The following CSMD3 variants were observed in gnomAD, a reference collection of about 807,000 sequenced individuals.
The protein encoded by CSMD3 is CUB and sushi domain-containing protein 3.
A neutral mutation model predicts 435.2 loss-of-function variants in CSMD3; 177 were observed. The ratio of observed to expected loss-of-function variants is 0.41; its 90% CI spans 0.36 to 0.46. CSMD3 has a LOEUF of 0.46. Among genes scored for constraint, CSMD3 ranks in the 20% least tolerant of loss-of-function variants. The pLI is 0.34. For missense variants in CSMD3, 4,265 were observed against 4,504.6 expected (o/e 0.95, Z 1.52); for synonymous variants, 1,656 against 1,520.5 (o/e 1.09, Z -2.07).
chr8:112,350,549 A>T (rs530864208), intron 40 of CSMD3, among the ~76,000 whole-genome samples: 1 of 152,130 alleles, frequency 6.6e-6, no homozygotes, highest in African/African-American at 2.4e-5. Flanking sequence ...AAAGGTAGGG[A>T]TCATACCTCA....
At chr8:113,414,724 A>G (rs899826132) in intron 1 of CSMD3, among the ~76,000 whole-genome samples, 1 of 150,994 alleles carries the variant, frequency 6.6e-6, no homozygotes, top group Non-Finnish European at 1.5e-5. Context: ...ACTTTGGGAG[A>G]CCAAGGTAGG....
At chr8:112,940,184 T>C (rs564604822) in intron 9 of CSMD3, among the ~76,000 whole-genome samples, 8 of 151,932 alleles carry the variant, frequency 5.3e-5, no homozygotes, top group Non-Finnish European at 1.0e-4. Context: ...CATTATACAG[T>C]AGTGTTTTAA....
intron 4 of CSMD3, among the ~76,000 whole-genome samples, chr8:113,114,297 A>G (rs2090757269): frequency 6.6e-6 from 1 of 152,208 alleles, no homozygotes. Flanking sequence ...AAGCGAGACC[A>G]GTCAATTGAG....
chr8:112,689,100 T>C (rs554695462), intron 14 of CSMD3, among the ~76,000 whole-genome samples: 1 of 152,186 alleles, frequency 6.6e-6, no homozygotes, highest in African/African-American at 2.4e-5. Context: ...GTAATCTTGG[T>C]TAAAGATAAG....
At chr8:112,632,766 T>C (rs1220543156) in intron 22 of CSMD3, among the ~76,000 whole-genome samples, 1 of 151,934 alleles carries the variant, frequency 6.6e-6, no homozygotes, top group Non-Finnish European at 1.5e-5. Flanking sequence ...AAGGAAAGTG[T>C]TTCTTATTTT....
chr8:112,855,936 A>G (rs2080645082), intron 11 of CSMD3, among the ~76,000 whole-genome samples: 1 of 151,040 alleles, frequency 6.6e-6, no homozygotes, highest in Non-Finnish European at 1.5e-5. Context: ...TTCCAGTTGG[A>G]GAAGTAATAT....
At chr8:113,399,106 T>TATATATACACATACACAC (rs773585004) in intron 1 of CSMD3, among the ~76,000 whole-genome samples, 1 of 95,096 alleles carries the variant, frequency 1.1e-5, no homozygotes, top group Non-Finnish European at 2.0e-5. Flanking sequence ...TATATATATA[T>TATATATACACATACACAC]ACACACACAC....
chr8:112,353,498 A>G (rs1284121588), intron 38 of CSMD3, among the ~76,000 whole-genome samples: 1 of 152,232 alleles, frequency 6.6e-6, no homozygotes, highest in Non-Finnish European at 1.5e-5. Context: ...AATGTAATTC[A>G]AAACACTTTC....
chr8:112,522,001 T>C (rs1023643676), intron 27 of CSMD3, among the ~76,000 whole-genome samples: 1 of 151,680 alleles, frequency 6.6e-6, no homozygotes, highest in African/African-American at 2.4e-5. Context: ...TTAGCAAAAA[T>C]ATAAAATCTT....
chr8:113,262,994 G>A (rs934515481), intron 3 of CSMD3, among the ~76,000 whole-genome samples: 6 of 152,042 alleles, frequency 3.9e-5, no homozygotes, highest in Middle Eastern at 3.4e-3. Flanking sequence ...ATATACATGA[G>A]AATGATCATT....
chr8:112,431,253 T>C (rs1446723030), intron 32 of CSMD3, among the ~76,000 whole-genome samples: 2 of 152,158 alleles, frequency 1.3e-5, no homozygotes, highest in Admixed American at 6.6e-5. Flanking sequence ...AATATAAAAA[T>C]TAATTTTTAA....
chr8:112,263,406 G>T (rs1351653041), intron 61 of CSMD3, among the ~76,000 whole-genome samples: 1 of 152,050 alleles, frequency 6.6e-6, no homozygotes, highest in Non-Finnish European at 1.5e-5. Context: ...TCTAATTTGA[G>T]AAATAATTTT....
intron 17 of CSMD3, among the ~76,000 whole-genome samples, chr8:112,659,367 A>C (rs530260496): frequency 6.6e-6 from 1 of 152,316 alleles, no homozygotes; most frequent in African/African-American, 2.4e-5. Context: ...AATTAAATTT[A>C]TTGTATATGC....
intron 7 of CSMD3, among the ~76,000 whole-genome samples, chr8:112,974,580 A>C (rs1431275880): frequency 1.3e-5 from 2 of 151,824 alleles, no homozygotes; most frequent in Non-Finnish European, 2.9e-5. Flanking sequence ...CACGGTCCCT[A>C]TATTCTTATA....
At chr8:112,696,674 T>C (rs1236484519) in intron 13 of CSMD3, among the ~76,000 whole-genome samples, 2 of 152,086 alleles carry the variant, frequency 1.3e-5, no homozygotes, top group Non-Finnish European at 2.9e-5. Context: ...GGCAAGGACT[T>C]CATGTCCAAA....
intron 10 of CSMD3, among the ~76,000 whole-genome samples, chr8:112,904,037 T>A (rs113766809): frequency 6.6e-6 from 1 of 151,304 alleles, no homozygotes; most frequent in African/African-American, 2.4e-5. Flanking sequence ...TAGGTCCTTC[T>A]TAAGAATAGG....
chr8:113,110,504 T>C (rs2090606249), intron 4 of CSMD3, among the ~76,000 whole-genome samples: 1 of 152,176 alleles, frequency 6.6e-6, no homozygotes, highest in African/African-American at 2.4e-5. Flanking sequence ...TTTCTCTAGT[T>C]TCTAATAACA....
intron 4 of CSMD3, among the ~76,000 whole-genome samples, chr8:113,113,681 G>C (rs1042437850): frequency 6.6e-6 from 1 of 152,142 alleles, no homozygotes; most frequent in Non-Finnish European, 1.5e-5. Flanking sequence ...AGTCATGAAA[G>C]TAAAAGTTCT....
At chr8:113,320,268 C>A (rs2093940377) in intron 1 of CSMD3, among the ~76,000 whole-genome samples, 1 of 151,984 alleles carries the variant, frequency 6.6e-6, no homozygotes, top group African/African-American at 2.4e-5. Context: ...CAGACCTTAT[C>A]TTTTAATGTG....
Sources: gnomAD v4.1 joint callset for allele counts (sites outside exome capture counted in the v4.1 genomes callset) on GRCh38, gnomAD v4.1.1 for gene constraint, MANE v1.5 for transcripts, NCBI Gene and HGNC (gene_info 2026-07-23, HGNC 2026-07-21) for gene names.